The following FGF1 variants were observed in gnomAD, a reference collection of about 807,000 sequenced individuals.
FGF1 encodes the protein beta-endothelial cell growth factor.
FGF1 carries 9 observed loss-of-function variants against 13.4 expected under a neutral mutation model. That is an observed-to-expected ratio of 0.67 (90% CI 0.40 to 1.17). The LOEUF (loss-of-function observed/expected upper bound fraction) is 1.17, where lower values mean the gene tolerates loss of function less well. Among genes scored for constraint, FGF1 ranks in the 50% most tolerant of loss-of-function variants. FGF1 has a pLI of 0.01. For missense variants in FGF1, 156 were observed against 192.7 expected (o/e 0.81, Z 1.13); for synonymous variants, 93 against 79.0 (o/e 1.18, Z -0.94).
intron 2 of FGF1, among the ~76,000 whole-genome samples, chr5:142,607,013 A>G (rs910130943): frequency 2.0e-5 from 3 of 152,116 alleles, no homozygotes; most frequent in Non-Finnish European, 4.4e-5. Flanking sequence ...TCCTTCATAC[A>G]TTTTAGGATG....
chr5:142,661,799 T>G (rs185100703), intron 1 of FGF1, among the ~76,000 whole-genome samples: 9 of 152,208 alleles, frequency 5.9e-5, no homozygotes, highest in South Asian at 2.1e-4. Context: ...GTCAGGAGAT[T>G]GAGACCATCC....
chr5:142,659,733 T>C (rs921922902), intron 1 of FGF1, among the ~76,000 whole-genome samples: 6 of 152,152 alleles, frequency 3.9e-5, no homozygotes, highest in Admixed American at 2.0e-4. Context: ...CAGTGACACA[T>C]GTGAAGAGTT....
intron 1 of FGF1, among the ~76,000 whole-genome samples, chr5:142,617,517 GTACCTGCAGTCA>G (rs746561389): frequency 2.6e-5 from 4 of 152,112 alleles, no homozygotes; most frequent in South Asian, 2.1e-4. Context: ...TGACCACAGT[GTACCTGCAGTCA>G]TACAAGGCCA....
At position 142,662,030 on chromosome 5, in the gene FGF1, CA is replaced by C. The variant is rs533591300; in HGVS notation, c.-35+23926del. ...AAACAAAAAACAAAAAACACACAGA[CA>C]AAAAAAAACCCACATATTGTACGAT... On this transcript the variant is annotated intron_variant, in intron 1 of 3. Coordinates refer to ENST00000337706, the MANE Select transcript of FGF1 (RefSeq NM_000800.5). Among the ~76,000 whole-genome samples, 241 of 150,560 alleles carry C rather than the reference CA, an allele frequency of 1.6e-3. 1 individual carries two copies. Among genetic ancestry groups the C allele is most frequent in the African/African-American group, 5.5e-3 (227 of 41,038 alleles).
intron 1 of FGF1, among the ~76,000 whole-genome samples, chr5:142,683,821 CAAA>C (rs768317949): frequency 5.0e-4 from 25 of 49,736 alleles, no homozygotes; most frequent in Non-Finnish European, 7.3e-4. Flanking sequence ...AACTCTGTCT[CAAA>C]AAAAAAAAAA....
intron 1 of FGF1, among the ~76,000 whole-genome samples, chr5:142,654,081 A>G (rs920614193): frequency 1.3e-5 from 2 of 152,004 alleles, no homozygotes; most frequent in African/African-American, 4.8e-5. Context: ...ACAGAGCGAG[A>G]CTCTGTCTCA....
chr5:142,690,414 T>G (rs1255518473), upstream of FGF1, among the ~76,000 whole-genome samples: 3 of 152,186 alleles, frequency 2.0e-5, no homozygotes, highest in African/African-American at 7.2e-5. Context: ...AACACTGCAC[T>G]AAGAGGTATA....
chr5:142,672,725 G>C (rs1464442473), intron 1 of FGF1, among the ~76,000 whole-genome samples: 1 of 151,954 alleles, frequency 6.6e-6, no homozygotes, highest in African/African-American at 2.4e-5. Context: ...GGCTCGTCTC[G>C]AACTCCTGAT....
At position 142,645,927 on chromosome 5, in the gene FGF1, T is replaced by G. The variant is rs116009050; in HGVS notation, c.-34-31766A>C. ...TTTTGTTTTTTTTGTTTGTTTGTTT[T>G]AGACGGAGTCTTGCTTTGTCGCCTA... On this transcript the variant is annotated intron_variant, in intron 1 of 3. Coordinates refer to ENST00000337706, the MANE Select transcript of FGF1 (RefSeq NM_000800.5). 3.8e-3 allele frequency among the ~76,000 whole-genome samples: 582 copies of G among 152,334 alleles called. 2 individuals are homozygous for G. The highest frequency in any genetic ancestry group is 0.013 in the African/African-American group (539 of 41,576).
intron 1 of FGF1, among the ~76,000 whole-genome samples, chr5:142,675,047 C>T (rs1413748747): frequency 6.6e-6 from 1 of 152,190 alleles, no homozygotes; most frequent in Middle Eastern, 3.4e-3. Context: ...TCAGGGGCGG[C>T]GTGAGGTGGG....
intron 1 of FGF1, chr5:142,627,237 A>G (rs944806197): frequency 7.2e-5 from 11 of 152,094 alleles, no homozygotes; most frequent in African/African-American, 2.2e-4. Context: ...ATCATTTTGT[A>G]TTTGCTGTTC....
At chr5:142,633,798 A>G (rs1763773942) in intron 1 of FGF1, among the ~76,000 whole-genome samples, 1 of 152,118 alleles carries the variant, frequency 6.6e-6, no homozygotes, top group Non-Finnish European at 1.5e-5. Context: ...TTCGAAGCTC[A>G]TCCCCTGACT....
At chr5:142,694,359 A>G (rs1193573134) in intron 2 of FGF1, among the ~76,000 whole-genome samples, 1 of 152,158 alleles carries the variant, frequency 6.6e-6, no homozygotes, top group Admixed American at 6.5e-5. Context: ...GCCACAGGAT[A>G]TTGTAAAGAT....
Position 142,601,156 on chromosome 5 carries a change from A to T in FGF1, c.170-351T>A, listed in dbSNP as rs57620274. 2.5e-3 allele frequency: 1,257 copies of T among 510,198 alleles called. 18 individuals are homozygous for T. Among genetic ancestry groups the T allele is most frequent in the African/African-American group, 0.021 (1,102 of 51,814 alleles). The allele number at this position is 510,198 out of a possible 1,614,324, so 31.6% of individuals were successfully genotyped here. ...ATAATCACAGGAGGAAATGGCACTC[A>T]CTCCCCCGGGCTCCCTCATCCCTGC... is the stretch of plus-strand genomic sequence containing the variant. On this transcript the variant is annotated intron_variant, in intron 2 of 3. Transcript: ENST00000337706.
chr5:142,647,237 A>G (rs1766331889), intron 1 of FGF1, among the ~76,000 whole-genome samples: 1 of 152,218 alleles, frequency 6.6e-6, no homozygotes, highest in Non-Finnish European at 1.5e-5. Context: ...CCCCCTCACC[A>G]CCAGGAAAGA....
At chr5:142,626,958 C>T (rs1396677450) in intron 1 of FGF1, 1 of 152,230 alleles carries the variant, frequency 6.6e-6, no homozygotes, top group Non-Finnish European at 1.5e-5. Context: ...TTCTGGTCCC[C>T]AGTTGTCTTC....
intron 1 of FGF1, among the ~76,000 whole-genome samples, chr5:142,640,427 G>GGC (rs1357857522): frequency 4.4e-5 from 2 of 45,132 alleles, no homozygotes; most frequent in Non-Finnish European, 5.7e-5. Flanking sequence ...GGAGTATGGT[G>GGC]GGGGGGGGGG....
chr5:142,654,942 G>A (rs1202627586), intron 1 of FGF1, among the ~76,000 whole-genome samples: 1 of 152,228 alleles, frequency 6.6e-6, no homozygotes, highest in Non-Finnish European at 1.5e-5. Context: ...ATAGAGCCAG[G>A]TAACCGCAGG....
exon 1 of FGF1, chr5:142,697,959 G>C (rs1753385180): frequency 6.6e-6 from 1 of 152,310 alleles, no homozygotes; most frequent in African/African-American, 2.4e-5. Context: ...GGAGAGGAAG[G>C]CTGCCGAGTG....
Sources: gnomAD v4.1 joint callset for allele counts (sites outside exome capture counted in the v4.1 genomes callset) on GRCh38, gnomAD v4.1.1 for gene constraint, MANE v1.5 for transcripts, NCBI Gene and HGNC (gene_info 2026-07-23, HGNC 2026-07-21) for gene names.